The following SGCZ variants were observed in gnomAD, a reference collection of about 807,000 sequenced individuals.
SGCZ encodes sarcoglycan zeta, also known as zeta-sarcoglycan.
SGCZ carries 40 observed loss-of-function variants against 41.3 expected under a neutral mutation model. That is an observed-to-expected ratio of 0.97 (90% CI 0.75 to 1.26). SGCZ has a LOEUF of 1.26. SGCZ is among the 50% of genes most tolerant of loss of function. The pLI, the probability that SGCZ is intolerant of heterozygous loss-of-function variation, is 0.00. For synonymous variants in SGCZ, 206 were observed against 137.5 expected (o/e 1.50, Z -3.49); for missense variants, 552 against 369.8 (o/e 1.49, Z -4.04).
At chr8:14,787,694 A>C (rs1235879950) in intron 1 of SGCZ, among the ~76,000 whole-genome samples, 1 of 152,038 alleles carries the variant, frequency 6.6e-6, no homozygotes, top group African/African-American at 2.4e-5. Flanking sequence ...TAAAATTACA[A>C]AATTAGCCAG....
intron 4 of SGCZ, among the ~76,000 whole-genome samples, chr8:14,208,063 TC>T (rs1805676249): frequency 6.6e-6 from 1 of 152,196 alleles, no homozygotes; most frequent in Non-Finnish European, 1.5e-5. Flanking sequence ...CAATCAACTT[TC>T]ATTTACTACA....
At chr8:14,096,547 A>G (rs1480652311) in intron 7 of SGCZ, among the ~76,000 whole-genome samples, 2 of 152,092 alleles carry the variant, frequency 1.3e-5, no homozygotes, top group African/African-American at 4.8e-5. Flanking sequence ...TTCATCAGGG[A>G]TGTTGGCCTA....
intron 1 of SGCZ, among the ~76,000 whole-genome samples, chr8:14,619,645 G>A (rs2117365263): frequency 6.6e-6 from 1 of 151,934 alleles, no homozygotes; most frequent in African/African-American, 2.4e-5. Context: ...TATACACCAA[G>A]AGCAGACAAA....
chr8:14,642,463 T>TA (rs1807059164), intron 1 of SGCZ, among the ~76,000 whole-genome samples: 1 of 151,478 alleles, frequency 6.6e-6, no homozygotes, highest in Non-Finnish European at 1.5e-5. Flanking sequence ...AGAGTTACTA[T>TA]ATGTAAGGTA....
intron 4 of SGCZ, among the ~76,000 whole-genome samples, chr8:14,198,181 A>G (rs1563180674): frequency 6.6e-6 from 1 of 152,184 alleles, no homozygotes; most frequent in East Asian, 1.9e-4. Context: ...ATTCTGTCCC[A>G]CCTGGGACAT....
At chr8:14,364,860 A>G (rs560873016) in intron 2 of SGCZ, among the ~76,000 whole-genome samples, 2 of 152,292 alleles carry the variant, frequency 1.3e-5, no homozygotes, top group East Asian at 3.9e-4. Context: ...AAATTCATAT[A>G]GTCAAGTCTA....
At chr8:14,570,020 A>G (rs775590269) in intron 1 of SGCZ, among the ~76,000 whole-genome samples, 5 of 151,022 alleles carry the variant, frequency 3.3e-5, no homozygotes, top group Non-Finnish European at 7.4e-5. Context: ...TCCATTCCTC[A>G]TTACCTTCAT....
intron 2 of SGCZ, among the ~76,000 whole-genome samples, chr8:14,531,272 CCA>C (rs3068621): frequency 0.44 from 67,066 of 151,174 alleles, 15,084 homozygotes; most frequent in Middle Eastern, 0.61. Flanking sequence ...AACTGGCAAT[CCA>C]CTTTCGGGTC....
intron 1 of SGCZ, among the ~76,000 whole-genome samples, chr8:14,613,931 T>C (rs1362389732): frequency 2.6e-5 from 4 of 152,160 alleles, no homozygotes; most frequent in African/African-American, 9.7e-5. Flanking sequence ...TATCTTGCCA[T>C]GAAACAATTG....
At chr8:14,244,382 G>T (rs1585272381) in intron 3 of SGCZ, among the ~76,000 whole-genome samples, 1 of 152,202 alleles carries the variant, frequency 6.6e-6, no homozygotes, top group African/African-American at 2.4e-5. Context: ...CTGTGCCCAA[G>T]GCAGCTACGT....
intron 4 of SGCZ, among the ~76,000 whole-genome samples, chr8:14,222,735 C>T (rs1806241242): frequency 6.8e-6 from 1 of 148,056 alleles, no homozygotes; most frequent in African/African-American, 2.5e-5. Context: ...AACTATTAAC[C>T]AATTTTACCT....
intron 1 of SGCZ, among the ~76,000 whole-genome samples, chr8:14,663,761 G>A (rs1265609451): frequency 6.6e-6 from 1 of 151,980 alleles, no homozygotes; most frequent in Non-Finnish European, 1.5e-5. Flanking sequence ...CTTAGAACCT[G>A]GAAAAATGTC....
chr8:14,424,054 G>C (rs1428736828), intron 2 of SGCZ, among the ~76,000 whole-genome samples: 1 of 152,116 alleles, frequency 6.6e-6, no homozygotes, highest in Non-Finnish European at 1.5e-5. Flanking sequence ...AAATAATTTA[G>C]ATAGATCTTC....
chr8:14,101,759 C>G (rs1802028277), intron 7 of SGCZ, among the ~76,000 whole-genome samples: 1 of 148,366 alleles, frequency 6.7e-6, no homozygotes, highest in African/African-American at 2.5e-5. Context: ...TTCTGAATAT[C>G]AAGATATAAC....
At position 14,087,468 on chromosome 8, in the gene SGCZ, T is replaced by C. The variant is rs779509154; in HGVS notation, c.*2975A>G. 1.3e-5 allele frequency among the ~76,000 whole-genome samples: 2 copies of C among 151,668 alleles called. No individual in the cohort carries two copies. The highest frequency in any genetic ancestry group is 3.0e-5 in the Non-Finnish European group (2 of 67,746). On this transcript the variant is annotated 3_prime_UTR_variant, in exon 8 of 8. Transcript: ENST00000382080. ...ATGCTAGCAAAACTACCAACCTCTT[T>C]TTCTTCTTCCGTTTGTTCCTTCCTG... is the stretch of plus-strand genomic sequence containing the variant.
chr8:14,808,672 C>T (rs1435537046), intron 1 of SGCZ, among the ~76,000 whole-genome samples: 5 of 152,050 alleles, frequency 3.3e-5, no homozygotes, highest in African/African-American at 7.2e-5. Context: ...GTCAGTGTGG[C>T]GATTCCTCAG....
intron 1 of SGCZ, among the ~76,000 whole-genome samples, chr8:14,957,359 G>A (rs73519009): frequency 0.083 from 12,616 of 152,004 alleles, 662 homozygotes; most frequent in African/African-American, 0.14. Flanking sequence ...TAGCTTCAGT[G>A]TGCTTGTGGG....
chr8:14,917,958 C>G (rs990662008), intron 1 of SGCZ, among the ~76,000 whole-genome samples: 10 of 152,182 alleles, frequency 6.6e-5, no homozygotes, highest in South Asian at 4.2e-4. Flanking sequence ...AAATATTAGG[C>G]TAGTTGCTAT....
At chr8:14,397,045 C>G (rs180801025) in intron 2 of SGCZ, among the ~76,000 whole-genome samples, 1 of 152,118 alleles carries the variant, frequency 6.6e-6, no homozygotes, top group Admixed American at 6.6e-5. Flanking sequence ...AATTTATCAT[C>G]TTAAAATGAG....
Sources: gnomAD v4.1 joint callset for allele counts (sites outside exome capture counted in the v4.1 genomes callset) on GRCh38, gnomAD v4.1.1 for gene constraint, MANE v1.5 for transcripts, NCBI Gene and HGNC (gene_info 2026-07-23, HGNC 2026-07-21) for gene names.